Variants in STAG1 observed in about 807,000 individuals in gnomAD.
STAG1 encodes cohesin subunit SA-1.
STAG1 carries 26 observed loss-of-function variants against 170.9 expected under a neutral mutation model. The observed-to-expected ratio is 0.15, with a 90% CI of 0.11 to 0.21. STAG1 has a LOEUF of 0.21. Among genes scored for constraint, STAG1 ranks in the 10% least tolerant of loss-of-function variants. STAG1 has a pLI of 1.00. For missense variants in STAG1, 964 were observed against 1,509.5 expected (o/e 0.64, Z 5.99); for synonymous variants, 514 against 497.7 (o/e 1.03, Z -0.44).
chr3:136,515,858 C>G (rs1159139467), intron 7 of STAG1, among the ~76,000 whole-genome samples: 1 of 151,628 alleles, frequency 6.6e-6, no homozygotes, highest in African/African-American at 2.4e-5. Flanking sequence ...GGCATTAATC[C>G]CACGAGAACA....
chr3:136,560,931 C>T (rs769566033), intron 5 of STAG1, among the ~76,000 whole-genome samples: 32 of 151,980 alleles, frequency 2.1e-4, no homozygotes, highest in Non-Finnish European at 1.0e-4. Context: ...TGGGTGGGGA[C>T]GGGGCGAATT....
At chr3:136,610,967 G>A (rs1416222410) in intron 3 of STAG1, among the ~76,000 whole-genome samples, 1 of 151,912 alleles carries the variant, frequency 6.6e-6, no homozygotes, top group African/African-American at 2.4e-5. Flanking sequence ...ATTAATATAT[G>A]GGTTGAGTAC....
intron 19 of STAG1, among the ~76,000 whole-genome samples, 159 bp from the exon 20 acceptor site, chr3:136,421,322 T>G (rs1184889211): frequency 6.6e-6 from 1 of 152,116 alleles, no homozygotes; most frequent in African/African-American, 2.4e-5. Context: ...CACCCATAAC[T>G]CTAACAACCT....
chr3:136,598,887 CA>C (rs1054756825), intron 4 of STAG1, among the ~76,000 whole-genome samples: 3 of 152,174 alleles, frequency 2.0e-5, no homozygotes, highest in African/African-American at 7.2e-5. Context: ...CTTAATACTT[CA>C]GTTATACTAT....
At chr3:136,443,460 A>C in intron 14 of STAG1, 56 bp from the exon 15 acceptor site, 1 of 1,198,872 alleles carries the variant, frequency 8.3e-7, no homozygotes, top group Non-Finnish European at 1.2e-6. Context: ...AACTACTAAT[A>C]CTAATTTGAG....
intron 1 of STAG1, among the ~76,000 whole-genome samples, chr3:136,677,913 ATATT>A (rs1408953733): frequency 6.8e-6 from 1 of 147,512 alleles, no homozygotes; most frequent in Non-Finnish European, 1.5e-5. Flanking sequence ...TATATTATAT[ATATT>A]TAGTACTTTG....
intron 7 of STAG1, among the ~76,000 whole-genome samples, chr3:136,514,277 A>G (rs1397359010): frequency 2.0e-5 from 3 of 152,236 alleles, no homozygotes; most frequent in Non-Finnish European, 2.9e-5. Flanking sequence ...TTCTCAAAAG[A>G]AGACATTTAT....
chr3:136,477,161 G>C (rs1313747114), intron 10 of STAG1, 128 bp downstream of exon 10: 2 of 986,488 alleles, frequency 2.0e-6, no homozygotes, highest in Non-Finnish European at 2.9e-6. Context: ...TAGTTATTCA[G>C]CTGCATCATC....
chr3:136,378,971 A>G (rs577416052), intron 22 of STAG1, among the ~76,000 whole-genome samples: 1 of 152,210 alleles, frequency 6.6e-6, no homozygotes, highest in Non-Finnish European at 1.5e-5. Flanking sequence ...AGATGACAGC[A>G]CTTAGTCTTT....
At chr3:136,475,690 T>C (rs145389104) in intron 10 of STAG1, among the ~76,000 whole-genome samples, 2 of 152,218 alleles carry the variant, frequency 1.3e-5, no homozygotes, top group Non-Finnish European at 2.9e-5. Flanking sequence ...TGTTAGGATT[T>C]TCACTTTTAG....
At chr3:136,741,067 C>T (rs1187483678) in intron 1 of STAG1, among the ~76,000 whole-genome samples, 1 of 152,152 alleles carries the variant, frequency 6.6e-6, no homozygotes, top group African/African-American at 2.4e-5. Flanking sequence ...GCCTTTGTTC[C>T]AATCTTTTCA....
chr3:136,702,997 G>A (rs921169730), intron 1 of STAG1, among the ~76,000 whole-genome samples: 1 of 150,322 alleles, frequency 6.7e-6, no homozygotes, highest in African/African-American at 2.5e-5. Flanking sequence ...GAACCCGGGA[G>A]GCACAGGTTG....
chr3:136,493,656 G>GAAAA (rs549570470), intron 9 of STAG1, among the ~76,000 whole-genome samples: 1 of 63,186 alleles, frequency 1.6e-5, no homozygotes, highest in Non-Finnish European at 3.2e-5. Flanking sequence ...TCCTGTCTCC[G>GAAAA]AAAAAAAAAA....
chr3:136,372,559 GGT>G (rs1158755080), intron 23 of STAG1, among the ~76,000 whole-genome samples: 1 of 152,088 alleles, frequency 6.6e-6, no homozygotes, highest in African/African-American at 2.4e-5. Flanking sequence ...TTAGTATGAA[GGT>G]TGTTGAATTT....
chr3:136,468,053 A>G (rs986293529), intron 12 of STAG1, among the ~76,000 whole-genome samples: 8 of 152,246 alleles, frequency 5.3e-5, no homozygotes, highest in Non-Finnish European at 7.3e-5. Context: ...AAGAGAAAGC[A>G]GGAAAGATCT....
rs559792077 is a variant in STAG1, at chr3:136,407,118, T to G, written c.2197-8289A>C. Among the ~76,000 whole-genome samples the G allele has an allele frequency of 8.0e-3, 1,223 of 152,192 alleles. 7 individuals carry two copies. Among genetic ancestry groups the G allele is most frequent in the South Asian group, 0.013 (65 of 4,818 alleles). On this transcript the variant is annotated intron_variant, in intron 21 of 33. Transcript: ENST00000383202. ...CTCAGCTCACTGCAACCTCGGCCTC[T>G]GGGGTTCAAGCGATTCTCCTGCCTC...
intron 5 of STAG1, among the ~76,000 whole-genome samples, chr3:136,551,556 A>AG (rs1294890378): frequency 2.6e-5 from 4 of 151,278 alleles, no homozygotes; most frequent in Non-Finnish European, 5.9e-5. Flanking sequence ...CTCAAATTAC[A>AG]GGCATGAGCC....
intron 5 of STAG1, among the ~76,000 whole-genome samples, chr3:136,560,392 G>C (rs562513160): frequency 5.9e-5 from 9 of 152,220 alleles, no homozygotes; most frequent in African/African-American, 2.2e-4. Flanking sequence ...TATCAACAAG[G>C]TATACTTTGA....
chr3:136,475,672 C>T (rs949184392), intron 10 of STAG1, among the ~76,000 whole-genome samples: 1 of 152,122 alleles, frequency 6.6e-6, no homozygotes, highest in South Asian at 2.1e-4. Context: ...TGACGTAGGA[C>T]AGCAGTTTGT....
Sources: allele counts gnomAD v4.1 joint callset (sites outside exome capture counted in the v4.1 genomes callset), GRCh38; gene constraint gnomAD v4.1.1; transcripts MANE v1.5; gene names NCBI Gene and HGNC (gene_info 2026-07-23, HGNC 2026-07-21).